Variants in PCDH9 observed in about 807,000 individuals in gnomAD.
The protein encoded by PCDH9 is protocadherin-9.
A neutral mutation model predicts 70.6 loss-of-function variants in PCDH9; 24 were observed. The ratio of observed to expected loss-of-function variants is 0.34; its 90% CI spans 0.25 to 0.48. The LOEUF is 0.48. Among genes scored for constraint, PCDH9 ranks in the 20% least tolerant of loss-of-function variants. The pLI, the probability that PCDH9 is intolerant of heterozygous loss-of-function variation, is 0.99. For synonymous variants in PCDH9, 562 were observed against 558.5 expected, an observed-to-expected ratio of 1.01 and a Z score of -0.09; for missense variants, 1,281 against 1,503.6, an observed-to-expected ratio of 0.85 and a Z score of 2.45.
rs1594545637 is a variant in PCDH9 at position 67,125,749 on chromosome 13, A to C, written c.3036+99656T>G. Among the ~76,000 whole-genome samples the C allele has an allele frequency of 2.0e-5, 3 of 152,124 alleles. No homozygotes were observed. In the South Asian group the frequency reaches 6.2e-4, roughly 32 times the overall value. ...TTTCCCATATTCTTACTCATTTTGC[A>C]TTAATTTGCCTTTATTTAACATTGT... On this transcript the variant is annotated intron_variant, in intron 2 of 4. Coordinates refer to ENST00000377865, the MANE Select transcript of PCDH9 (RefSeq NM_203487.3).
intron 2 of PCDH9, among the ~76,000 whole-genome samples, chr13:66,956,413 T>A (rs927142605): frequency 6.6e-6 from 1 of 152,118 alleles, no homozygotes; most frequent in Non-Finnish European, 1.5e-5. Context: ...AAGGTGAGGT[T>A]ATGTGATAGT....
chr13:66,811,661 C>A (rs1464475587), intron 3 of PCDH9, among the ~76,000 whole-genome samples: 4 of 145,872 alleles, frequency 2.7e-5, no homozygotes, highest in Non-Finnish European at 6.0e-5. Context: ...GCCTGCCTAA[C>A]CTGCCTTCCT....
intron 2 of PCDH9, among the ~76,000 whole-genome samples, chr13:67,046,469 T>A (rs1241951576): frequency 6.6e-6 from 1 of 152,296 alleles, no homozygotes; most frequent in African/African-American, 2.4e-5. Flanking sequence ...CATAGCTTTT[T>A]AAAGAAACCT....
intron 4 of PCDH9, among the ~76,000 whole-genome samples, chr13:66,537,842 T>C (rs551732771): frequency 4.6e-5 from 7 of 152,274 alleles, no homozygotes; most frequent in Non-Finnish European, 2.9e-5. Flanking sequence ...TGAACATTTT[T>C]GTTAAATGTT....
intron 3 of PCDH9, among the ~76,000 whole-genome samples, chr13:66,731,248 C>CGCTA (rs1458106131): frequency 2.6e-5 from 4 of 151,840 alleles, no homozygotes; most frequent in Non-Finnish European, 5.9e-5. Flanking sequence ...TAAAATAACT[C>CGCTA]ACTAAGGAAG....
intron 4 of PCDH9, among the ~76,000 whole-genome samples, chr13:66,491,655 A>G (rs1959036235): frequency 6.6e-6 from 1 of 152,094 alleles, no homozygotes; most frequent in African/African-American, 2.4e-5. Flanking sequence ...TGTACACTGT[A>G]TCATGTAAAT....
At chr13:67,076,510 G>C (rs2085880677) in intron 2 of PCDH9, among the ~76,000 whole-genome samples, 2 of 152,134 alleles carry the variant, frequency 1.3e-5, no homozygotes, top group African/African-American at 4.8e-5. Flanking sequence ...TGTCACAGCA[G>C]GTAACATAAG....
chr13:67,034,376 T>C (rs1438945312), intron 2 of PCDH9, among the ~76,000 whole-genome samples: 1 of 152,222 alleles, frequency 6.6e-6, no homozygotes, highest in Admixed American at 6.5e-5. Flanking sequence ...ATAGCATATA[T>C]ATGTAATGAT....
At chr13:67,031,992 T>C (rs550565691) in intron 2 of PCDH9, among the ~76,000 whole-genome samples, 1 of 152,260 alleles carries the variant, frequency 6.6e-6, no homozygotes, top group South Asian at 2.1e-4. Context: ...TTCAAATAAG[T>C]CTCAATAAGA....
At chr13:66,923,548 T>G (rs2082671118) in intron 2 of PCDH9, among the ~76,000 whole-genome samples, 1 of 151,682 alleles carries the variant, frequency 6.6e-6, no homozygotes, top group African/African-American at 2.4e-5. Flanking sequence ...GATAACTATG[T>G]GCCAGACATA....
chr13:66,961,638 A>G (rs1331187675), intron 2 of PCDH9, among the ~76,000 whole-genome samples: 1 of 152,224 alleles, frequency 6.6e-6, no homozygotes, highest in Non-Finnish European at 1.5e-5. Context: ...CAGAAAATTA[A>G]TGTAACTTAA....
chr13:66,419,189 A>T (rs1957517379), intron 4 of PCDH9, among the ~76,000 whole-genome samples: 1 of 148,792 alleles, frequency 6.7e-6, no homozygotes, highest in Non-Finnish European at 1.5e-5. Flanking sequence ...CTCCTCCCTA[A>T]CTCATTTTAT....
chr13:66,439,020 G>A (rs1957927756), intron 4 of PCDH9, among the ~76,000 whole-genome samples: 1 of 152,122 alleles, frequency 6.6e-6, no homozygotes, highest in Admixed American at 6.5e-5. Flanking sequence ...TAGGTCTGAT[G>A]GAATTCCAAG....
chr13:66,701,276 T>TAC (rs1485224486), intron 3 of PCDH9, among the ~76,000 whole-genome samples: 2 of 151,348 alleles, frequency 1.3e-5, no homozygotes, highest in Non-Finnish European at 2.9e-5. Context: ...TGTATATATA[T>TAC]ATACACACAC....
chr13:66,875,300 G>A (rs1005420544), intron 3 of PCDH9, among the ~76,000 whole-genome samples: 4 of 152,142 alleles, frequency 2.6e-5, no homozygotes, highest in Admixed American at 2.6e-4. Flanking sequence ...ACAGAACTCT[G>A]TGTGTGTGAA....
Position 67,227,667 on chromosome 13 carries a change from C to T in PCDH9, c.774G>A (p.Glu258=), listed in dbSNP as rs2089912897. Residue 258 remains glutamate (E), a synonymous_variant, in exon 2 of 5, where the codon GAG becomes GAA. Transcript: ENST00000377865. The surrounding 1 kb of genome is among the most constrained non-coding windows in gnomAD (Gnocchi z 4.6). Reference sequence around the variant, plus strand: ...CGGGAGCATTCTCTGGAATATGCACCTCCACTTGACCCTCTTTAAACACTG... The same window carrying T: ...CGGGAGCATTCTCTGGAATATGCACTTCCACTTGACCCTCTTTAAACACTG... ...NRPVFKEGQV[E]VHIPENAPVG... is the part of the protein sequence containing the mutation. 2.3e-5 allele frequency: 37 copies of T among 1,613,442 alleles called. No homozygotes were observed. In the East Asian group the frequency reaches 8.0e-4, roughly 35 times the overall value.
At chr13:66,733,554 T>C (rs561562600) in intron 3 of PCDH9, among the ~76,000 whole-genome samples, 4 of 152,314 alleles carry the variant, frequency 2.6e-5, no homozygotes, top group African/African-American at 9.6e-5. Flanking sequence ...ATGTAGCTAG[T>C]TGAATTTCCA....
At chr13:66,477,672 AG>A in intron 4 of PCDH9, among the ~76,000 whole-genome samples, 1 of 152,220 alleles carries the variant, frequency 6.6e-6, no homozygotes, top group Non-Finnish European at 1.5e-5. Flanking sequence ...AGACACTTAT[AG>A]TGTTTTACAT....
chr13:66,600,120 C>T (rs535617494), intron 4 of PCDH9, among the ~76,000 whole-genome samples: 167 of 151,718 alleles, frequency 1.1e-3, no homozygotes, highest in Non-Finnish European at 1.0e-3. Context: ...ATATGCATTC[C>T]GGAAATAGAA....
Sources: gnomAD v4.1 joint callset for allele counts (sites outside exome capture counted in the v4.1 genomes callset) on GRCh38, gnomAD v4.1.1 for gene constraint, Gnocchi (gnomAD v3.1) non-coding constraint, MANE v1.5 for transcripts, NCBI Gene and HGNC (gene_info 2026-07-23, HGNC 2026-07-21) for gene names.